The following TGFBRAP1 variants were observed in gnomAD, a reference collection of about 807,000 sequenced individuals.
TGFBRAP1 encodes transforming growth factor beta receptor associated protein 1.
Under a neutral mutation model 83.2 loss-of-function variants are expected in TGFBRAP1, and 20 were observed. That is an observed-to-expected ratio of 0.24 (90% CI 0.17 to 0.35). The LOEUF is 0.35. TGFBRAP1 is among the 10% of genes least tolerant of loss of function. The pLI is 1.00. For synonymous variants in TGFBRAP1, 415 were observed against 459.8 expected, an observed-to-expected ratio of 0.90 and a Z score of 1.25; for missense variants, 950 against 1,099.4, an observed-to-expected ratio of 0.86 and a Z score of 1.92.
intron 4 of TGFBRAP1, among the ~76,000 whole-genome samples, chr2:105,290,500 A>G (rs1677865656): frequency 6.6e-6 from 1 of 151,902 alleles, no homozygotes; most frequent in South Asian, 2.1e-4. Context: ...AACTATAAAT[A>G]TTTTTCCTAA....
chr2:105,274,196 G>A (rs1677258268), intron 8 of TGFBRAP1, among the ~76,000 whole-genome samples: 1 of 152,166 alleles, frequency 6.6e-6, no homozygotes, highest in East Asian at 1.9e-4. Flanking sequence ...TCTGAGATCT[G>A]AGCTTCCAGT....
rs892540133 is a variant in TGFBRAP1, at chr2:105,277,556, T to C, written c.1521+58A>G. ...CTTGTGAATTTTTTTTAAGTAACAC[T>C]AAGTATTACTTACATGGTGCTGATT... is the stretch of plus-strand genomic sequence containing the variant. On this transcript the variant is annotated intron_variant, in intron 7 of 11. Coordinates refer to ENST00000393359, the MANE Select transcript of TGFBRAP1 (RefSeq NM_004257.6). 139 of 1,563,166 alleles carry C rather than the reference T, an allele frequency of 8.9e-5. 1 individual carries two copies. Among genetic ancestry groups the C allele is most frequent in the Non-Finnish European group, 1.2e-4 (136 of 1,134,030 alleles).
intron 5 of TGFBRAP1, among the ~76,000 whole-genome samples, chr2:105,282,617 G>A (rs984703573): frequency 2.0e-5 from 3 of 152,040 alleles, no homozygotes; most frequent in East Asian, 3.9e-4. Context: ...TTGAGGCCAC[G>A]AGTTTGAGAC....
intron 1 of TGFBRAP1, among the ~76,000 whole-genome samples, chr2:105,316,420 AGTGTGT>A (rs71393002): frequency 0.03 from 3,224 of 109,094 alleles, 98 homozygotes; most frequent in African/African-American, 0.067. Context: ...AGGTATAGGG[AGTGTGT>A]GTGTGTGTGT....
chr2:105,301,175 T>C (rs1678277450), intron 2 of TGFBRAP1, among the ~76,000 whole-genome samples: 1 of 152,110 alleles, frequency 6.6e-6, no homozygotes, highest in Non-Finnish European at 1.5e-5. Flanking sequence ...TGAACTGAGA[T>C]TGTGCCACTG....
chr2:105,304,427 G>C (rs1419018003), intron 2 of TGFBRAP1, among the ~76,000 whole-genome samples: 1 of 152,208 alleles, frequency 6.6e-6, no homozygotes, highest in East Asian at 1.9e-4. Flanking sequence ...GCTAAAGAAT[G>C]TTTTCTTCAA....
At chr2:105,283,773 G>C (rs986702744) in intron 5 of TGFBRAP1, among the ~76,000 whole-genome samples, 1 of 152,170 alleles carries the variant, frequency 6.6e-6, no homozygotes, top group Admixed American at 6.5e-5. Flanking sequence ...AAGCACATCC[G>C]ACAAGCACAA....
intron 1 of TGFBRAP1, among the ~76,000 whole-genome samples, chr2:105,316,485 GCACATAA>G (rs1678880220): frequency 3.5e-5 from 3 of 85,930 alleles, no homozygotes; most frequent in African/African-American, 9.8e-5. Context: ...GCGCGCACGC[GCACATAA>G]CTCAAAAAGC....
At chr2:105,301,843 G>A (rs770750787) in intron 2 of TGFBRAP1, among the ~76,000 whole-genome samples, 1 of 151,996 alleles carries the variant, frequency 6.6e-6, no homozygotes, top group African/African-American at 2.4e-5. Context: ...GGCTCAAGCG[G>A]TCCTCCTGCC....
intron 7 of TGFBRAP1, among the ~76,000 whole-genome samples, chr2:105,276,078 C>G (rs1182536294): frequency 6.6e-6 from 1 of 152,198 alleles, no homozygotes. Context: ...CTACAACCAT[C>G]AGCCAGGCTC....
In TGFBRAP1 at chr2:105,284,442, C is replaced by A. The variant is rs1490731393; in HGVS notation, c.1039-44G>T. ...GTAATCTCTTAGTGAATCTTGAAAC[C>A]ATCACGGCAGGGTTAAATTTGTCTA... On this transcript the variant is annotated intron_variant, in intron 4 of 11. Transcript: ENST00000393359. The A allele has an allele frequency of 1.9e-6, 3 of 1,580,088 alleles. No homozygotes were observed. The African/African-American group carries it at 4.0e-5, about 21-fold the overall frequency.
intron 5 of TGFBRAP1, among the ~76,000 whole-genome samples, chr2:105,283,186 G>A (rs1201734886): frequency 2.0e-5 from 3 of 152,322 alleles, no homozygotes; most frequent in Non-Finnish European, 4.4e-5. Context: ...GTCTTTCCAA[G>A]AACAGAGAAC....
rs758284070 is a variant in TGFBRAP1 at position 105,308,166 on chromosome 2, C to T, written c.136G>A (p.Val46Ile). 10 of 1,614,076 alleles carry T rather than the reference C, an allele frequency of 6.2e-6. No individual in the cohort carries two copies. Among genetic ancestry groups the T allele is most frequent in the South Asian group, 5.5e-5 (5 of 91,078 alleles). ...CTCTCCTCCAACAGGAAGTGGTAGACGAAGCAGTCGTTGGTGCCCACGTAG... is the reference window on the plus strand; with the variant it reads ...CTCTCCTCCAACAGGAAGTGGTAGATGAAGCAGTCGTTGGTGCCCACGTAG... ...DLYVGTNDCF[V>I]YHFLLEERPV... is the part of the protein sequence containing the mutation. Residue 46 changes from valine (V) to isoleucine (I), a missense_variant, in exon 2 of 12, where the codon GTC becomes ATC. By Grantham distance (29) the Val-to-Ile change is conservative. Coordinates refer to ENST00000393359, the MANE Select transcript of TGFBRAP1 (RefSeq NM_004257.6).
the TGFBRAP1 span, among the ~76,000 whole-genome samples, chr2:105,253,199 C>T: frequency 6.6e-6 from 1 of 152,136 alleles, no homozygotes; most frequent in East Asian, 1.9e-4. Flanking sequence ...GTGGTGCGAT[C>T]TCGGCTCACT....
chr2:105,318,208 T>G (rs1678945266), intron 1 of TGFBRAP1, among the ~76,000 whole-genome samples: 1 of 152,142 alleles, frequency 6.6e-6, no homozygotes, highest in South Asian at 2.1e-4. Context: ...CACCTCATGT[T>G]TCCTCCAAAG....
intron 4 of TGFBRAP1, among the ~76,000 whole-genome samples, chr2:105,288,353 G>C (rs1271243836): frequency 6.6e-6 from 1 of 152,112 alleles, no homozygotes; most frequent in East Asian, 1.9e-4. Flanking sequence ...TGAGCTCTCG[G>C]CTCTCCAGGG....
At position 105,265,601 on chromosome 2, in the gene TGFBRAP1, C is replaced by A. The variant is rs1335842067; in HGVS notation, c.*1782G>T. On this transcript the variant is annotated 3_prime_UTR_variant, in exon 12 of 12. Transcript: ENST00000393359. ...TTTGAGAAATATAAACTCAAACTCA[C>A]AAGTTGTCATGATAACATATGCAGT... is the stretch of plus-strand genomic sequence containing the variant. 6.6e-6 allele frequency: 1 copy of A among 152,652 alleles called. No individual in the cohort carries two copies. The highest frequency in any genetic ancestry group is 2.4e-5 in the African/African-American group (1 of 41,436). The allele number at this position is 152,652 out of a possible 1,614,324, so 9.5% of individuals were successfully genotyped here.
intron 1 of TGFBRAP1, among the ~76,000 whole-genome samples, chr2:105,322,166 C>A (rs1246477984): frequency 1.3e-5 from 2 of 150,922 alleles, no homozygotes; most frequent in Non-Finnish European, 3.0e-5. Context: ...TCATTTTTAA[C>A]CAAAAAGTTT....
At position 105,267,314 on chromosome 2, in the gene TGFBRAP1, A is replaced by T. The variant is rs1676976039; in HGVS notation, c.*69T>A. The T allele has an allele frequency of 2.5e-6, 4 of 1,581,770 alleles. No individual in the cohort carries two copies. The Admixed American group carries it at 6.9e-5, about 27-fold the overall frequency. On this transcript the variant is annotated 3_prime_UTR_variant, in exon 12 of 12. Coordinates refer to ENST00000393359, the MANE Select transcript of TGFBRAP1 (RefSeq NM_004257.6). ...CTGGCTGACACAGAGCATGGTGGTC[A>T]TCTGCTCTTCATGTCCAGCAGGCTC...
Sources: allele counts gnomAD v4.1 joint callset (sites outside exome capture counted in the v4.1 genomes callset), GRCh38; gene constraint gnomAD v4.1.1; transcripts MANE v1.5; gene names NCBI Gene and HGNC (gene_info 2026-07-23, HGNC 2026-07-21).